The following GRM7 variants were observed in gnomAD, a reference collection of about 807,000 sequenced individuals.
GRM7 encodes glutamate metabotropic receptor 7, also known as metabotropic glutamate receptor 7.
GRM7 carries 35 observed loss-of-function variants against 84.5 expected under a neutral mutation model. The observed-to-expected ratio is 0.41, with a 90% CI of 0.32 to 0.55. The LOEUF (loss-of-function observed/expected upper bound fraction) is 0.55, where lower values mean the gene tolerates loss of function less well. GRM7 is among the 20% of genes least tolerant of loss of function. The pLI is 0.19. For missense variants in GRM7, 1,003 were observed against 1,194.6 expected, an observed-to-expected ratio of 0.84 and a Z score of 2.36; for synonymous variants, 487 against 455.1, an observed-to-expected ratio of 1.07 and a Z score of -0.89.
chr3:7,445,912 C>T (rs1470065275), intron 5 of GRM7, among the ~76,000 whole-genome samples: 2 of 152,122 alleles, frequency 1.3e-5, no homozygotes, highest in African/African-American at 4.8e-5. Context: ...CATTCTGTAA[C>T]ACTCCAGGAT....
intron 4 of GRM7, among the ~76,000 whole-genome samples, chr3:7,372,371 C>G (rs1239941428): frequency 6.6e-6 from 1 of 152,160 alleles, no homozygotes; most frequent in Non-Finnish European, 1.5e-5. Flanking sequence ...TCTTATAACA[C>G]TGAGCAAACA....
chr3:7,149,707 G>A (rs541031907), intron 2 of GRM7, among the ~76,000 whole-genome samples: 63 of 152,244 alleles, frequency 4.1e-4, no homozygotes, highest in African/African-American at 1.3e-3. Flanking sequence ...TTTGACACAT[G>A]CTTTAACTTT....
chr3:7,491,564 G>A lies in GRM7; in HGVS notation c.1515+29842G>A, dbSNP rs540976855. The stretch of plus-strand genomic sequence containing the variant: ...AAGGAAGCCATGGGACTTTGCTTCC[G>A]CCTCTCATTGACAAGGTGAGGGAGG... On this transcript the variant is annotated intron_variant, in intron 7 of 9. Transcript: ENST00000357716. Among the ~76,000 whole-genome samples, 135 of 152,236 alleles carry A rather than the reference G, an allele frequency of 8.9e-4. 2 individuals carry two copies. Among genetic ancestry groups the A allele is most frequent in the Admixed American group, 5.3e-3 (81 of 15,288 alleles).
At chr3:7,740,247 C>A in intron 9 of GRM7, 110 bp from the exon 10 acceptor site, 1 of 691,352 alleles carries the variant, frequency 1.4e-6, no homozygotes, top group Non-Finnish European at 2.5e-6. Flanking sequence ...TTCTTCAGAG[C>A]TGTATCACCT....
intron 1 of GRM7, among the ~76,000 whole-genome samples, chr3:6,981,089 A>G (rs1694180096): frequency 1.3e-5 from 2 of 152,208 alleles, no homozygotes; most frequent in African/African-American, 4.8e-5. Context: ...AGAAGTTTGT[A>G]AAATTCGCAA....
intron 9 of GRM7, among the ~76,000 whole-genome samples, chr3:7,688,082 T>C (rs184264220): frequency 1.3e-5 from 2 of 152,232 alleles, no homozygotes; most frequent in Admixed American, 1.3e-4. Context: ...TGACTGAGAA[T>C]AAATAAGAAG....
intron 8 of GRM7, among the ~76,000 whole-genome samples, chr3:7,639,344 C>T (rs919144038): frequency 1.3e-5 from 2 of 152,220 alleles, no homozygotes; most frequent in Non-Finnish European, 2.9e-5. Context: ...TACCCAAAAA[C>T]ATTTACTGGC....
At chr3:7,258,352 A>G (rs1435697429) in intron 2 of GRM7, among the ~76,000 whole-genome samples, 1 of 152,120 alleles carries the variant, frequency 6.6e-6, no homozygotes, top group Non-Finnish European at 1.5e-5. Context: ...CAAGTTGAGA[A>G]AGTAGGCTTT....
intron 4 of GRM7, among the ~76,000 whole-genome samples, chr3:7,339,606 A>G (rs1230105663): frequency 6.6e-6 from 1 of 152,140 alleles, no homozygotes; most frequent in African/African-American, 2.4e-5. Flanking sequence ...AGTTAAGCAG[A>G]AGTTGCTAGG....
At chr3:7,312,139 A>G (rs1034143463) in intron 4 of GRM7, among the ~76,000 whole-genome samples, 1 of 152,158 alleles carries the variant, frequency 6.6e-6, no homozygotes, top group Non-Finnish European at 1.5e-5. Flanking sequence ...AACCTTTGGT[A>G]GCATTTAGGA....
chr3:7,360,267 G>A (rs1158069577), intron 4 of GRM7, among the ~76,000 whole-genome samples: 1 of 147,212 alleles, frequency 6.8e-6, no homozygotes, highest in Non-Finnish European at 1.5e-5. Context: ...TTAGGAAATA[G>A]AGTATCAGCA....
chr3:7,365,645 G>GTATATATATATATATATATATATA (rs201115893), intron 4 of GRM7, among the ~76,000 whole-genome samples: 3 of 123,866 alleles, frequency 2.4e-5, no homozygotes, highest in Admixed American at 7.7e-5. Context: ...GTGTGCGTGT[G>GTATATATATATATATATATATATA]TGTATATATA....
chr3:6,947,737 T>A (rs889363842), intron 1 of GRM7, among the ~76,000 whole-genome samples: 15 of 152,290 alleles, frequency 9.8e-5, no homozygotes, highest in Non-Finnish European at 2.1e-4. Flanking sequence ...TCAGAGCCTG[T>A]TATTGGTCTA....
intron 7 of GRM7, among the ~76,000 whole-genome samples, chr3:7,463,762 A>G (rs1014220462): frequency 2.0e-5 from 3 of 152,154 alleles, no homozygotes; most frequent in Non-Finnish European, 4.4e-5. Flanking sequence ...GAGGAAGGGT[A>G]AGAGGAGATG....
rs340660 is a variant in GRM7, at chr3:6,863,925, G to C, written c.519+2018G>C. On this transcript the variant is annotated intron_variant, in intron 1 of 9. Coordinates refer to ENST00000357716, the MANE Select transcript of GRM7 (RefSeq NM_000844.4). This position sits in a 1 kb window ranked among gnomAD's most constrained non-coding sequence, Gnocchi z 4.8. Reference sequence around the variant, plus strand: ...AGAAAGGGGTTACAGACTAGGCTGAGGGACTGTGTTTGCTGAAAAATATTC... The same window carrying C: ...AGAAAGGGGTTACAGACTAGGCTGACGGACTGTGTTTGCTGAAAAATATTC... Among the ~76,000 whole-genome samples the C allele has an allele frequency of 0.51, 77,566 of 151,980 alleles. 20,419 individuals are homozygous for C. Among genetic ancestry groups the C allele is most frequent in the African/African-American group, 0.64 (26,467 of 41,452 alleles).
chr3:7,239,798 T>G (rs1214186692), intron 2 of GRM7, among the ~76,000 whole-genome samples: 1 of 152,190 alleles, frequency 6.6e-6, no homozygotes, highest in African/African-American at 2.4e-5. Context: ...TTGTGCTCCT[T>G]CTTTCAGCAT....
chr3:7,396,481 A>T (rs1302527497), intron 4 of GRM7, among the ~76,000 whole-genome samples: 1 of 152,198 alleles, frequency 6.6e-6, no homozygotes, highest in Admixed American at 6.5e-5. Flanking sequence ...CATCTTCTGC[A>T]TCTTAAATTA....
At chr3:7,219,037 T>G (rs940075453) in intron 2 of GRM7, among the ~76,000 whole-genome samples, 1 of 152,160 alleles carries the variant, frequency 6.6e-6, no homozygotes, top group Non-Finnish European at 1.5e-5. Context: ...ACTAGTGGTA[T>G]GAATTATGTT....
At chr3:7,051,802 A>G (rs893363146) in intron 1 of GRM7, among the ~76,000 whole-genome samples, 2 of 151,776 alleles carry the variant, frequency 1.3e-5, no homozygotes, top group African/African-American at 2.4e-5. Flanking sequence ...AATATTTTTA[A>G]AAGAATTCCA....
Sources: allele counts gnomAD v4.1 joint callset (sites outside exome capture counted in the v4.1 genomes callset), GRCh38; gene constraint gnomAD v4.1.1; non-coding constraint Gnocchi (gnomAD v3.1); transcripts MANE v1.5; gene names NCBI Gene and HGNC (gene_info 2026-07-23, HGNC 2026-07-21).